Variants in ATG2A observed in about 807,000 individuals in gnomAD.
ATG2A encodes autophagy-related protein 2 homolog A.
A neutral mutation model predicts 214.2 loss-of-function variants in ATG2A; 103 were observed. That is an observed-to-expected ratio of 0.48 (90% CI 0.41 to 0.57). ATG2A has a LOEUF of 0.57. Among genes scored for constraint, ATG2A ranks in the 20% least tolerant of loss-of-function variants. The pLI, the probability that ATG2A is intolerant of heterozygous loss-of-function variation, is 0.00. For missense variants in ATG2A, 2,312 were observed against 2,613.2 expected (o/e 0.88, Z 2.51); for synonymous variants, 1,160 against 1,142.1 (o/e 1.02, Z -0.32).
Position 64,906,769 on chromosome 11 carries a change from A to G in ATG2A, c.2879T>C (p.Leu960Pro). 1 of 1,613,442 alleles carries G rather than the reference A, an allele frequency of 6.2e-7. No individual in the cohort carries two copies. Among genetic ancestry groups the G allele is most frequent in the East Asian group, 2.2e-5 (1 of 44,874 alleles). The change falls in exon 20 of 41, where the codon CTG (leucine) becomes CCG (proline). Residue 960 changes from leucine (L) to proline (P), a missense_variant. Coordinates refer to ENST00000377264, the MANE Select transcript of ATG2A (RefSeq NM_015104.3). ...RLEAVHGELV[L>P]DMEHGTLFSV... ...GAAGAGGGTACCGTGCTCCATGTCCAGCACCAGCTCCCCGTGCACAGCCTC... is the reference window on the plus strand; with the variant it reads ...GAAGAGGGTACCGTGCTCCATGTCCGGCACCAGCTCCCCGTGCACAGCCTC...
Position 64,909,047 on chromosome 11 carries a change from G to A in ATG2A, c.2308C>T (p.Arg770Trp), listed in dbSNP as rs778632862. ...GAGAAGGGCGAGGGCTCAGGTTCCC[G>A]CAGCTCACAGGGACTCTCCACTGAC... ...ELSVESPCEL[R>W]EPEPSPFSSK... The change falls in exon 16 of 41, where the codon CGG (arginine) becomes TGG (tryptophan). Residue 770 changes from arginine (R) to tryptophan (W), a missense_variant. Arg to Trp is a moderately radical substitution (Grantham distance 101). Transcript: ENST00000377264. The A allele has an allele frequency of 2.0e-5, 33 of 1,612,776 alleles. No homozygotes were observed. The highest frequency in any genetic ancestry group is 4.4e-5 in the South Asian group (4 of 90,986).
rs939124940 is a variant in ATG2A at position 64,904,322 on chromosome 11, G to A, written c.3465-662C>T. On this transcript the variant is annotated intron_variant, in intron 24 of 40. Coordinates refer to ENST00000377264, the MANE Select transcript of ATG2A (RefSeq NM_015104.3). ...AGCACTTTTGGAGGCCAAGGCAGGC[G>A]GATCACGAGGTCAGGAGTTCGAGAC... 9.9e-5 allele frequency among the ~76,000 whole-genome samples: 15 copies of A among 151,200 alleles called. 1 individual carries two copies. The highest frequency in any genetic ancestry group is 1.5e-4 in the African/African-American group (6 of 41,070).
rs754015757 is a variant in ATG2A, at chr11:64,903,252, TGTGGCTCCAG to T, written c.3612+26_3612+35del. On this transcript the variant is annotated intron_variant, in intron 26 of 40. Coordinates refer to ENST00000377264, the MANE Select transcript of ATG2A (RefSeq NM_015104.3). The surrounding 1 kb of genome is among the most constrained non-coding windows in gnomAD (Gnocchi z 4.2). ...AGACTCCCTTGGCCCCTGCACCTGCTGTGGCTCCAGGAGCCAGAGTGACAGCCTCACTCAC... is the reference window on the plus strand; with the variant it reads ...AGACTCCCTTGGCCCCTGCACCTGCTGAGCCAGAGTGACAGCCTCACTCAC... 1.9e-5 allele frequency: 30 copies of T among 1,600,816 alleles called. No homozygotes were observed. Among genetic ancestry groups the T allele is most frequent in the Non-Finnish European group, 2.4e-5 (28 of 1,168,878 alleles).
Position 64,902,183 on chromosome 11 carries a change from G to A in ATG2A, c.3905-7C>T, listed in dbSNP as rs771281785. On this transcript the variant is annotated splice_polypyrimidine_tract_variant and splice_region_variant and intron_variant, in intron 28 of 40. Coordinates refer to ENST00000377264, the MANE Select transcript of ATG2A (RefSeq NM_015104.3). The stretch of plus-strand genomic sequence containing the variant: ...GCCTGAGGGAGGTGGCCACCTATAG[G>A]AGAGAGGCCAGTTTGGAGAGGCGCC... 6 of 1,612,494 alleles carry A rather than the reference G, an allele frequency of 3.7e-6. No homozygotes were observed. In the East Asian group the frequency reaches 1.3e-4, roughly 36 times the overall value.
At position 64,895,266 on chromosome 11, in the gene ATG2A, G is replaced by A. The variant is rs1944108936; in HGVS notation, c.5580+24C>T. On this transcript the variant is annotated intron_variant, in intron 40 of 40. Transcript: ENST00000377264. This position sits in a 1 kb window ranked among gnomAD's most constrained non-coding sequence, Gnocchi z 5.0. The stretch of plus-strand genomic sequence containing the variant: ...TGTGAGGAGATGGGCATGGGGGACT[G>A]GGGCAGGGCGGGGGCCTGGTCACCT... 2 of 1,613,018 alleles carry A rather than the reference G, an allele frequency of 1.2e-6. No individual in the cohort carries two copies. The highest frequency in any genetic ancestry group is 1.7e-6 in the Non-Finnish European group (2 of 1,179,876).
At position 64,906,433 on chromosome 11, in the gene ATG2A, C is replaced by T. The variant is rs1172816012; in HGVS notation, c.3084G>A (p.Val1028=). 2.5e-6 allele frequency: 4 copies of T among 1,613,244 alleles called. No individual in the cohort carries two copies. The highest frequency in any genetic ancestry group is 1.7e-5 in the Admixed American group (1 of 60,020). Residue 1028 remains valine (V), a synonymous_variant, in exon 21 of 41, where the codon GTG becomes GTA. Coordinates refer to ENST00000377264, the MANE Select transcript of ATG2A (RefSeq NM_015104.3). ...APTIYPSEEG[V]TERGASGRKG... is the part of the protein sequence containing the mutation. ...TGCGGCCCGAGGCTCCCCGCTCGGT[C>T]ACCCCTTCCTCCGATGGGTAGATGG...
intron 36 of ATG2A, 46 bp downstream of exon 36, chr11:64,897,625 C>A: frequency 6.2e-7 from 1 of 1,613,406 alleles, no homozygotes; most frequent in Admixed American, 1.7e-5. Flanking sequence ...AGGGACTCAG[C>A]CACAGCTGAC....
In ATG2A at chr11:64,898,529, T is replaced by C; in HGVS notation, c.4671+107A>G. ...CTCCCAGGCTCACAAACAACCTGGG[T>C]GTTTGTGTGGGAATGCGTGTATGTG... On this transcript the variant is annotated intron_variant, in intron 32 of 40. Coordinates refer to ENST00000377264, the MANE Select transcript of ATG2A (RefSeq NM_015104.3). The surrounding 1 kb of genome is among the most constrained non-coding windows in gnomAD (Gnocchi z 4.5). 7.2e-7 allele frequency: 1 copy of C among 1,392,078 alleles called. No individual in the cohort carries two copies. The highest frequency in any genetic ancestry group is 1.0e-6 in the Non-Finnish European group (1 of 1,001,590). 86.2% of individuals were successfully genotyped at this position (1,392,078 alleles called of 1,614,324 possible). A position where few individuals can be genotyped will look rare whatever the true frequency, so the allele number is the denominator to read the frequency against.
chr11:64,897,507 G>A lies in ATG2A; in HGVS notation c.5068-13C>T, dbSNP rs1193252357. On this transcript the variant is annotated splice_polypyrimidine_tract_variant and intron_variant, in intron 36 of 40. Transcript: ENST00000377264. ...CAGCAAAAGTGCCCTGGGAGAGGGA[G>A]GGGGTCCAGGTTTACCCAATGGGAC... The A allele has an allele frequency of 6.3e-7, 1 of 1,583,440 alleles. No homozygotes were observed. Among genetic ancestry groups the A allele is most frequent in the Non-Finnish European group, 8.6e-7 (1 of 1,164,796 alleles).
In ATG2A at chr11:64,907,912, G is replaced by A. The variant is rs936967108; in HGVS notation, c.2365-22C>T. ...CCATCTGGACAGGGTGAGGTGGAAAGAGCAGGAGAGTCATCTTAGAGACGC... is the reference window on the plus strand; with the variant it reads ...CCATCTGGACAGGGTGAGGTGGAAAAAGCAGGAGAGTCATCTTAGAGACGC... On this transcript the variant is annotated intron_variant, in intron 16 of 40. Transcript: ENST00000377264. 3 of 1,605,428 alleles carry A rather than the reference G, an allele frequency of 1.9e-6. No homozygotes were observed. In the African/African-American group the frequency reaches 4.0e-5, roughly 21 times the overall value.
chr11:64,912,287 CT>C, intron 7 of ATG2A, 38 bp from the exon 8 acceptor site: 4 of 1,590,592 alleles, frequency 2.5e-6, no homozygotes, highest in Non-Finnish European at 3.4e-6. Flanking sequence ...CTGGCTGGCC[CT>C]CCCAGCCACC....
chr11:64,912,050 C>G, intron 8 of ATG2A, 35 bp downstream of exon 8: 1 of 1,612,520 alleles, frequency 6.2e-7, no homozygotes, highest in Non-Finnish European at 8.5e-7. Context: ...CCCACACTAG[C>G]TGCCCCTCCA....
intron 16 of ATG2A, among the ~76,000 whole-genome samples, chr11:64,908,477 G>C (rs1169615261): frequency 6.6e-6 from 1 of 152,178 alleles, no homozygotes; most frequent in African/African-American, 2.4e-5. Context: ...GCTTGAGCCT[G>C]GGAGGCGGAG....
intron 16 of ATG2A, 126 bp downstream of exon 16, chr11:64,908,865 G>C: frequency 9.6e-7 from 1 of 1,043,152 alleles, no homozygotes; most frequent in Non-Finnish European, 1.4e-6. Flanking sequence ...ACTGGTGTTG[G>C]GTCAGCTCAT....
Position 64,917,089 on chromosome 11 carries a change from A to G in ATG2A, c.47T>C (p.Val16Ala). ...GTAGTGGTGCAGCAAGTAGCGGCAG[A>G]CCCGCTCTTTCACACAGTTTGACCA... The part of the protein sequence containing the change: ...WPWSNCVKER[V>A]CRYLLHHYLG... The change falls in exon 1 of 41, where the codon GTC becomes GCC. Residue 16 changes from valine (V) to alanine (A), a missense_variant. By Grantham distance (64) the Val-to-Ala change is moderately conservative. Coordinates refer to ENST00000377264, the MANE Select transcript of ATG2A (RefSeq NM_015104.3). The G allele has an allele frequency of 1.9e-6, 3 of 1,613,194 alleles. No individual in the cohort carries two copies. The highest frequency in any genetic ancestry group is 2.5e-6 in the Non-Finnish European group (3 of 1,179,906).
At chr11:64,899,571 C>A (rs1944278164) in intron 31 of ATG2A, among the ~76,000 whole-genome samples, 1 of 152,128 alleles carries the variant, frequency 6.6e-6, no homozygotes. Context: ...GCAAGTGGGA[C>A]CCCCCTGCCC....
Position 64,913,919 on chromosome 11 carries a change from A to T in ATG2A, c.492T>A (p.Leu164=). The T allele has an allele frequency of 6.2e-7, 1 of 1,613,804 alleles. No individual in the cohort carries two copies. Residue 164 remains leucine, a synonymous_variant, in exon 4 of 41, where the codon CTT becomes CTA. Transcript: ENST00000377264. This position sits in a 1 kb window ranked among gnomAD's most constrained non-coding sequence, Gnocchi z 4.3. ...CCAGGAAGGTCACTTTGATCCTCCG[A>T]AGCACTGAGGAGTTGGGGAGGGGTC... is the stretch of plus-strand genomic sequence containing the variant. The part of the protein sequence containing the change: ...EMFAQTIETV[L]RRIKVTFLDT...
At chr11:64,906,917 C>T in intron 19 of ATG2A, 102 bp from the exon 20 acceptor site, 4 of 1,381,122 alleles carry the variant, frequency 2.9e-6, no homozygotes, top group Non-Finnish European at 3.9e-6. Context: ...AGGGGGTCAG[C>T]TCCAGTTTCC....
rs1944205159 is a variant in ATG2A, at chr11:64,897,739, ACT to A, written c.4997_4998del (p.Glu1666ValfsTer6). 2 of 1,613,922 alleles carry A rather than the reference ACT, an allele frequency of 1.2e-6. No individual in the cohort carries two copies. Among genetic ancestry groups the A allele is most frequent in the Admixed American group, 1.7e-5 (1 of 59,996 alleles). On this transcript the variant is annotated frameshift_variant and splice_region_variant, in exon 36 of 41. Coordinates refer to ENST00000377264, the MANE Select transcript of ATG2A (RefSeq NM_015104.3). LOFTEE classifies it high-confidence loss of function. ...PPDQQPIYFR[E>X]FRFTSEVPIW... ...ATGGGGACCTCAGACGTGAAGCGGA[ACT>A]CTCTGGGTAGGGGAGCAGGAAGAGG...
Sources: allele counts gnomAD v4.1 joint callset (sites outside exome capture counted in the v4.1 genomes callset), GRCh38; gene constraint gnomAD v4.1.1; non-coding constraint Gnocchi (gnomAD v3.1); transcripts MANE v1.5; gene names NCBI Gene and HGNC (gene_info 2026-07-23, HGNC 2026-07-21).